APOBEC3B: variants seen among roughly 807,000 people sequenced by gnomAD.
APOBEC3B encodes the protein DNA dC->dU-editing enzyme APOBEC-3B.
In APOBEC3B, 29 loss-of-function variants were observed where a neutral mutation model predicts 53.4. That is an observed-to-expected ratio of 0.54 (90% CI 0.40 to 0.74). APOBEC3B has a LOEUF of 0.74. Ranked by LOEUF, APOBEC3B falls within the 30% of genes least tolerant of loss-of-function variation. The probability of loss-of-function intolerance (pLI) is 0.00; values close to 1 mark genes in which losing one functional copy is unlikely to be tolerated. For missense variants in APOBEC3B, 347 were observed against 496.2 expected, an observed-to-expected ratio of 0.70 and a Z score of 2.86; for synonymous variants, 132 against 184.8, an observed-to-expected ratio of 0.71 and a Z score of 2.32.
rs776781206 is a variant in APOBEC3B, at chr22:38,989,644, C to A, written c.723+34C>A. The A allele has an allele frequency of 1.3e-5, 20 of 1,531,784 alleles. 2 individuals carry two copies. The South Asian group carries it at 2.4e-4, about 18-fold the overall frequency. 94.9% of individuals were successfully genotyped at this position (1,531,784 alleles called of 1,614,324 possible). Reference sequence around the variant, plus strand: ...CCCAGCCACCTGCATCCAGGCAGGGCCCTCCCAATCCAGGGACACTCATAG... The same window carrying A: ...CCCAGCCACCTGCATCCAGGCAGGGACCTCCCAATCCAGGGACACTCATAG... On this transcript the variant is annotated intron_variant, in intron 5 of 7. Coordinates refer to ENST00000333467, the MANE Select transcript of APOBEC3B (RefSeq NM_004900.5).
In APOBEC3B at chr22:38,989,460, C is replaced by G; in HGVS notation, c.573C>G (p.Tyr191Ter). The stretch of plus-strand genomic sequence containing the variant: ...TTTCCCCTGTCTTTGTCCACAGATA[C>G]CTGATGGATCCAGACACATTCACTT... ...LHRTLKEILR[Y>*]LMDPDTFTFN... Residue 191 changes from tyrosine to a stop codon, truncating the protein, a stop_gained, in exon 5 of 8, where the codon TAC becomes TAG. Transcript: ENST00000333467. LOFTEE classifies it high-confidence loss of function. The G allele has an allele frequency of 6.4e-7, 1 of 1,566,408 alleles. No individual in the cohort carries two copies. The highest frequency in any genetic ancestry group is 8.7e-7 in the Non-Finnish European group (1 of 1,152,540).
intron 2 of APOBEC3B, among the ~76,000 whole-genome samples, chr22:38,984,981 A>C (rs1443140334): frequency 7.1e-6 from 1 of 140,402 alleles, no homozygotes; most frequent in Non-Finnish European, 1.5e-5. Context: ...GGCTCACTAC[A>C]ACCTCCACCT....
chr22:38,991,922 A>C lies in APOBEC3B; in HGVS notation c.1019-112A>C, dbSNP rs895251688. The C allele has an allele frequency of 2.1e-6, 3 of 1,420,788 alleles. No individual in the cohort carries two copies. In the African/African-American group the frequency reaches 4.3e-5, roughly 20 times the overall value. The allele number at this position is 1,420,788 out of a possible 1,614,324, so 88.0% of individuals were successfully genotyped here. On this transcript the variant is annotated intron_variant, in intron 6 of 7. Transcript: ENST00000333467. ...CTAAGTCCCTAGGGGAGGGAGAGGG[A>C]AAGGAGGGACTGAAACCAGGATGTG...
In APOBEC3B at chr22:38,985,354, A is replaced by ACAGT. The variant is rs564646665; in HGVS notation, c.175-455_175-452dup. On this transcript the variant is annotated intron_variant, in intron 2 of 7. Transcript: ENST00000333467. ...TCTCCTGCCTCAGCCTGTGAGCTGAACAGTCACATGAGGGTGAAGGTTGTT... is the reference window on the plus strand; with the variant it reads ...TCTCCTGCCTCAGCCTGTGAGCTGAACAGTCAGTCACATGAGGGTGAAGGTTGTT... Among the ~76,000 whole-genome samples, 85 of 148,604 alleles carry ACAGT rather than the reference A, an allele frequency of 5.7e-4. 1 individual carries two copies. The highest frequency in any genetic ancestry group is 2.0e-3 in the African/African-American group (83 of 40,928).
At chr22:38,986,173 G>T in intron 3 of APOBEC3B, 82 bp downstream of exon 3, 1 of 1,574,324 alleles carries the variant, frequency 6.4e-7, no homozygotes, top group Non-Finnish European at 8.6e-7. Context: ...ATGGCTGGGG[G>T]TGTCCCAGGG....
chr22:38,987,270 T>C (rs1458190602), intron 4 of APOBEC3B, among the ~76,000 whole-genome samples: 3 of 147,958 alleles, frequency 2.0e-5, no homozygotes, highest in East Asian at 4.6e-4. Context: ...CCTCCCCCTG[T>C]CCCAGCCCCA....
At chr22:38,990,670 G>A (rs990768411) in intron 5 of APOBEC3B, among the ~76,000 whole-genome samples, 2 of 147,694 alleles carry the variant, frequency 1.4e-5, no homozygotes, top group African/African-American at 5.0e-5. Context: ...TCACATTTGG[G>A]CTCAGCACAG....
In APOBEC3B at chr22:38,986,287, C is replaced by G; in HGVS notation, c.455-11C>G. On this transcript the variant is annotated splice_polypyrimidine_tract_variant and intron_variant, in intron 3 of 7. Coordinates refer to ENST00000333467, the MANE Select transcript of APOBEC3B (RefSeq NM_004900.5). The stretch of plus-strand genomic sequence containing the variant: ...GGGAGAGCCTGACTGCTTCCCGCTT[C>G]TTCATCTCAGAATTTGCATACTGCT... 3 of 1,592,526 alleles carry G rather than the reference C, an allele frequency of 1.9e-6. No homozygotes were observed. Among genetic ancestry groups the G allele is most frequent in the Middle Eastern group, 1.7e-4 (1 of 5,990 alleles).
At position 38,990,516 on chromosome 22, in the gene APOBEC3B, A is replaced by C. The variant is rs538259628; in HGVS notation, c.724-816A>C. On this transcript the variant is annotated intron_variant, in intron 5 of 7. Transcript: ENST00000333467. ...CTTAGTGGAAAATCCTTTTCTCTGA[A>C]GTTTGGAGTAAATACCATATTTCTA... Among the ~76,000 whole-genome samples the C allele has an allele frequency of 8.7e-4, 128 of 147,848 alleles. 9 individuals are homozygous for C. Among genetic ancestry groups the C allele is most frequent in the African/African-American group, 3.0e-3 (123 of 40,360 alleles).
chr22:38,986,001 C>T lies in APOBEC3B; in HGVS notation c.364C>T (p.Arg122Cys), dbSNP rs144579352. Residue 122 changes from arginine (R) to cysteine (C), a missense_variant, in exon 3 of 8, where the codon CGC becomes TGC. Around this residue, in one of 5 missense-constraint regions of APOBEC3B, gnomAD observed 156 missense variants for 166.7 expected, o/e 0.94. Transcript: ENST00000333467. The stretch of plus-strand genomic sequence containing the variant: ...TGTCACCCTGACCATCTCTGCCGCC[C>T]GCCTCTACTACTACTGGGAAAGAGA... ...PNVTLTISAA[R>C]LYYYWERDYR... 2.6e-5 allele frequency: 42 copies of T among 1,594,098 alleles called. 1 individual carries two copies. The highest frequency in any genetic ancestry group is 3.2e-5 in the Non-Finnish European group (38 of 1,172,710).
chr22:38,989,373 A>C, intron 4 of APOBEC3B, 84 bp from the exon 5 acceptor site: 1 of 1,299,036 alleles, frequency 7.7e-7, no homozygotes, highest in Non-Finnish European at 1.0e-6. Context: ...GGAGCAGGGA[A>C]GGAGTGGGGG....
chr22:38,986,266 G>T (rs1923735240), intron 3 of APOBEC3B, 32 bp from the exon 4 acceptor site: 1 of 1,590,788 alleles, frequency 6.3e-7, no homozygotes, highest in Non-Finnish European at 8.5e-7. Context: ...GGTCAGGGGA[G>T]AGCCTGACTG....
At chr22:38,982,941 T>C (rs1193580794) in intron 1 of APOBEC3B, among the ~76,000 whole-genome samples, 1 of 148,656 alleles carries the variant, frequency 6.7e-6, no homozygotes, top group African/African-American at 2.4e-5. Flanking sequence ...AAGCACATGA[T>C]AAATCGTGTC....
At chr22:38,989,683 G>A (rs948122583) in intron 5 of APOBEC3B, 73 bp downstream of exon 5, 2 of 1,384,248 alleles carry the variant, frequency 1.4e-6, no homozygotes. Context: ...GAAGGTTCTG[G>A]GTGGTGCCTG....
intron 5 of APOBEC3B, among the ~76,000 whole-genome samples, chr22:38,990,072 C>G (rs1230565313): frequency 1.5e-5 from 1 of 66,328 alleles, no homozygotes; most frequent in Middle Eastern, 8.1e-3. Flanking sequence ...CAAAGATGGC[C>G]AGCAGTTGGG....
At position 38,989,570 on chromosome 22, in the gene APOBEC3B, G is replaced by C. The variant is rs547015521; in HGVS notation, c.683G>C (p.Trp228Ser). ...GTGGAGCGCCTGGACAATGGCACCTGGGTCCTGATGGACCAGCACATGGGC... is the reference window on the plus strand; with the variant it reads ...GTGGAGCGCCTGGACAATGGCACCTCGGTCCTGATGGACCAGCACATGGGC... ...YEVERLDNGT[W>S]VLMDQHMGFL... The change falls in exon 5 of 8, where the codon TGG (tryptophan) becomes TCG (serine). Residue 228 changes from tryptophan (W) to serine (S), a missense_variant. By Grantham distance (177) the Trp-to-Ser change is radical. This residue lies in a region of APOBEC3B where 156 missense variants were observed against 166.7 expected (regional missense o/e 0.94). Transcript: ENST00000333467. 6.3e-7 allele frequency: 1 copy of C among 1,586,964 alleles called. No homozygotes were observed. The highest frequency in any genetic ancestry group is 1.3e-5 in the African/African-American group (1 of 74,208).
chr22:38,983,818 G>A (rs1923625926), intron 1 of APOBEC3B, among the ~76,000 whole-genome samples: 1 of 148,746 alleles, frequency 6.7e-6, no homozygotes. Flanking sequence ...AGAAATACTA[G>A]GAGGGTGGGG....
At chr22:38,986,137 T>G in intron 3 of APOBEC3B, 46 bp downstream of exon 3, 2 of 1,579,022 alleles carry the variant, frequency 1.3e-6, no homozygotes, top group African/African-American at 1.4e-5. Flanking sequence ...AGGAACAGCA[T>G]GAAAGATGGA....
At chr22:38,983,945 G>A (rs1923630462) in intron 1 of APOBEC3B, 130 bp from the exon 2 acceptor site, 1 of 1,139,064 alleles carries the variant, frequency 8.8e-7, no homozygotes, top group Non-Finnish European at 1.2e-6. Flanking sequence ...GAAGGCAGCA[G>A]AAATTCTCAG....
Sources: gnomAD v4.1 joint callset for allele counts (sites outside exome capture counted in the v4.1 genomes callset) on GRCh38, gnomAD v4.1.1 for gene constraint, gnomAD v4.1.1 regional missense constraint, MANE v1.5 for transcripts, NCBI Gene and HGNC (gene_info 2026-07-23, HGNC 2026-07-21) for gene names.